The following PAWR variants were observed in gnomAD, a reference collection of about 807,000 sequenced individuals.
The protein encoded by PAWR is PRKC apoptosis WT1 regulator protein.
In PAWR, 23 loss-of-function variants were observed where a neutral mutation model predicts 32.0. The ratio of observed to expected loss-of-function variants is 0.72; its 90% confidence interval spans 0.52 to 1.02. The LOEUF is 1.02. Ranked by LOEUF, PAWR falls within the 50% of genes least tolerant of loss-of-function variation. The probability of loss-of-function intolerance (pLI) is 0.00; values close to 1 mark genes in which losing one functional copy is unlikely to be tolerated. For synonymous variants in PAWR, 226 were observed against 187.1 expected, an observed-to-expected ratio of 1.21 and a Z score of -1.70; for missense variants, 457 against 437.7, an observed-to-expected ratio of 1.04 and a Z score of -0.39.
intron 4 of PAWR, among the ~76,000 whole-genome samples, chr12:79,605,020 G>A (rs7980134): frequency 0.23 from 34,550 of 151,548 alleles, 10,620 homozygotes; most frequent in African/African-American, 0.7. Flanking sequence ...AAAGAATTCT[G>A]GCAGTTTATC....
chr12:79,606,074 AAAAC>A (rs910026031), intron 4 of PAWR, among the ~76,000 whole-genome samples: 26 of 152,152 alleles, frequency 1.7e-4, no homozygotes, highest in African/African-American at 1.9e-4. Flanking sequence ...ACTCTGCCTA[AAAAC>A]AAACAAACAA....
chr12:79,616,577 T>C (rs970450804), intron 3 of PAWR, among the ~76,000 whole-genome samples: 1 of 152,182 alleles, frequency 6.6e-6, no homozygotes, highest in Non-Finnish European at 1.5e-5. Context: ...CAACTCTAAA[T>C]TGCAGTGGCA....
chr12:79,613,529 C>T (rs190433971), intron 4 of PAWR, 46 bp downstream of exon 4: 2 of 1,021,830 alleles, frequency 2.0e-6, no homozygotes, highest in Admixed American at 1.9e-5. Context: ...GTCAGACAGA[C>T]ATTACATTCA....
At chr12:79,642,216 T>G (rs982139791) in intron 2 of PAWR, among the ~76,000 whole-genome samples, 27 of 152,204 alleles carry the variant, frequency 1.8e-4, no homozygotes, top group African/African-American at 5.5e-4. Flanking sequence ...AGAAAATTAG[T>G]ATTTCTTGAA....
At chr12:79,690,484 T>C in intron 1 of PAWR, 93 bp from the exon 2 acceptor site, 1 of 704,150 alleles carries the variant, frequency 1.4e-6, no homozygotes, top group Non-Finnish European at 2.0e-6. Context: ...CTTGGAGTCC[T>C]CGAGCGCGCC....
At chr12:79,632,730 T>C (rs1875768685) in intron 2 of PAWR, among the ~76,000 whole-genome samples, 1 of 151,950 alleles carries the variant, frequency 6.6e-6, no homozygotes. Context: ...AGGATGATCT[T>C]TTCAGCAAAT....
chr12:79,616,602 C>T (rs1019403234), intron 3 of PAWR, among the ~76,000 whole-genome samples: 1 of 152,184 alleles, frequency 6.6e-6, no homozygotes, highest in African/African-American at 2.4e-5. Context: ...AATAATTTCA[C>T]ACTTTGACCC....
intron 2 of PAWR, among the ~76,000 whole-genome samples, chr12:79,681,041 G>A (rs974621145): frequency 6.6e-6 from 1 of 150,594 alleles, no homozygotes; most frequent in Non-Finnish European, 1.5e-5. Context: ...CTTGAACTCA[G>A]GAGGTTGAGT....
chr12:79,611,283 TA>T (rs989066087), intron 4 of PAWR, among the ~76,000 whole-genome samples: 48 of 147,136 alleles, frequency 3.3e-4, no homozygotes, highest in Non-Finnish European at 5.1e-4. Flanking sequence ...ATAATTTATA[TA>T]AAATATATAT....
chr12:79,643,073 A>C (rs1249167339), intron 2 of PAWR, among the ~76,000 whole-genome samples: 1 of 152,164 alleles, frequency 6.6e-6, no homozygotes, highest in Non-Finnish European at 1.5e-5. Context: ...TACAAAGGCA[A>C]ATCTTGCTTT....
intron 2 of PAWR, among the ~76,000 whole-genome samples, chr12:79,625,592 C>T (rs370725157): frequency 4.6e-5 from 7 of 151,702 alleles, no homozygotes; most frequent in Non-Finnish European, 7.4e-5. Flanking sequence ...GAGGCCAAGG[C>T]GGGCAGATCA....
intron 2 of PAWR, among the ~76,000 whole-genome samples, chr12:79,662,799 T>TAAGA (rs2136826959): frequency 6.6e-6 from 1 of 152,320 alleles, no homozygotes; most frequent in South Asian, 2.1e-4. Flanking sequence ...TAAGCACTCT[T>TAAGA]AGCACTTGGC....
chr12:79,690,101 G>T lies in PAWR; in HGVS notation c.144C>A (p.Asp48Glu), dbSNP rs1278411164. The T allele has an allele frequency of 2.0e-6, 3 of 1,468,162 alleles. No individual in the cohort carries two copies. Among genetic ancestry groups the T allele is most frequent in the African/African-American group, 3.0e-5 (2 of 67,330 alleles). The allele number at this position is 1,468,162 out of a possible 1,614,324, so 90.9% of individuals were successfully genotyped here. A position where few individuals can be genotyped will look rare whatever the true frequency, so the allele number is the denominator to read the frequency against. The change falls in exon 2 of 7, where the codon GAC (aspartate) becomes GAA (glutamate). Residue 48 changes from aspartate to glutamate, a missense_variant. Transcript: ENST00000328827. ...CCCCCGCGGGGGGCTTCCCAGCGGC[G>T]TCGCTGCTGCCCCCTCCCGGGGGGG... ...GPAPPGGGSSDAAGKPPAGAL... is the reference protein window; with the variant it reads ...GPAPPGGGSSEAAGKPPAGAL...
chr12:79,603,453 G>A (rs544581715), intron 4 of PAWR, among the ~76,000 whole-genome samples: 1 of 152,030 alleles, frequency 6.6e-6, no homozygotes, highest in South Asian at 2.1e-4. Flanking sequence ...AAAAAAAGAA[G>A]TCCAACTTTC....
At chr12:79,631,670 T>A (rs1158607933) in intron 2 of PAWR, among the ~76,000 whole-genome samples, 2 of 152,168 alleles carry the variant, frequency 1.3e-5, no homozygotes, top group African/African-American at 2.4e-5. Flanking sequence ...TGTTAGGGGA[T>A]CTGAAGACTC....
Position 79,689,894 on chromosome 12 carries a change from G to C in PAWR, c.351C>G (p.Ala117=). 2 of 1,509,634 alleles carry C rather than the reference G, an allele frequency of 1.3e-6. No homozygotes were observed. The highest frequency in any genetic ancestry group is 2.7e-5 in the East Asian group (1 of 37,116). 93.5% of individuals were successfully genotyped at this position (1,509,634 alleles called of 1,614,324 possible). A position where few individuals can be genotyped will look rare whatever the true frequency, so the allele number is the denominator to read the frequency against. Residue 117 remains alanine, a synonymous_variant, in exon 2 of 7, where the codon GCC becomes GCG. Coordinates refer to ENST00000328827, the MANE Select transcript of PAWR (RefSeq NM_002583.4). ...RSEDEPPAAS[A]SAAPPPQRDE... ...CACGCTGGGGCGGCGGTGCAGCCGA[G>C]GCAGAGGCGGCTGGGGGCTCGTCCT...
Position 79,613,606 on chromosome 12 carries a change from G to T in PAWR, c.652C>A (p.Pro218Thr). The stretch of plus-strand genomic sequence containing the variant: ...TATCTGCCTGAAACTGTTCTAGGTG[G>T]CTCCTGCAAAGTAAAAATAATTATG... ...DPGSSYLLQE[P>T]PRTVSGRYKS... The change falls in exon 4 of 7, where the codon CCA becomes ACA. Residue 218 changes from proline to threonine, a missense_variant. By Grantham distance (38) the Pro-to-Thr change is conservative (BLOSUM62 -1). Transcript: ENST00000328827. 1 of 1,534,182 alleles carries T rather than the reference G, an allele frequency of 6.5e-7. No homozygotes were observed. Among genetic ancestry groups the T allele is most frequent in the Non-Finnish European group, 9.0e-7 (1 of 1,115,336 alleles).
chr12:79,593,886 T>C (rs1873649994), intron 6 of PAWR, among the ~76,000 whole-genome samples: 1 of 151,558 alleles, frequency 6.6e-6, no homozygotes, highest in South Asian at 2.1e-4. Context: ...ATATTTTTAG[T>C]AGAGTCGGGG....
intron 2 of PAWR, among the ~76,000 whole-genome samples, chr12:79,687,409 A>C (rs555743985): frequency 6.6e-6 from 1 of 152,312 alleles, no homozygotes; most frequent in East Asian, 1.9e-4. Flanking sequence ...CCTTGAAGGA[A>C]CTTAATGTTT....
Sources: gnomAD v4.1 joint callset for allele counts (sites outside exome capture counted in the v4.1 genomes callset) on GRCh38, gnomAD v4.1.1 for gene constraint, MANE v1.5 for transcripts, NCBI Gene and HGNC (gene_info 2026-07-23, HGNC 2026-07-21) for gene names.